The following RHPN2 variants were observed in gnomAD, a reference collection of about 807,000 sequenced individuals.
The protein encoded by RHPN2 is rhophilin Rho GTPase binding protein 2.
In RHPN2, 40 loss-of-function variants were observed where a neutral mutation model predicts 79.0. That is an observed-to-expected ratio of 0.51 (90% CI 0.39 to 0.66). RHPN2 has a LOEUF of 0.66. Ranked by LOEUF, RHPN2 falls within the 30% of genes least tolerant of loss-of-function variation. The pLI is 0.00. For missense variants in RHPN2, 686 were observed against 883.5 expected (o/e 0.78, Z 2.83); for synonymous variants, 285 against 363.5 (o/e 0.78, Z 2.46).
At chr19:33,036,690 C>G (rs10424333) in intron 2 of RHPN2, among the ~76,000 whole-genome samples, 22,595 of 152,182 alleles carry the variant, frequency 0.15, 1,951 homozygotes, top group South Asian at 0.33. Context: ...CGGGCTAGCG[C>G]GAGTTCCAGG....
chr19:33,029,545 A>G (rs1317759503), intron 2 of RHPN2, among the ~76,000 whole-genome samples: 3 of 150,718 alleles, frequency 2.0e-5, no homozygotes, highest in Non-Finnish European at 4.4e-5. Context: ...AAAAAAAAAA[A>G]GAAGAAGAGT....
At chr19:33,007,161 G>A (rs1185611897) in intron 7 of RHPN2, among the ~76,000 whole-genome samples, 6 of 152,334 alleles carry the variant, frequency 3.9e-5, no homozygotes, top group Admixed American at 3.9e-4. Flanking sequence ...CCCACCTCAT[G>A]CTGGAGAAGT....
intron 7 of RHPN2, among the ~76,000 whole-genome samples, chr19:33,006,215 G>A (rs1003874348): frequency 6.6e-6 from 1 of 152,042 alleles, no homozygotes; most frequent in Non-Finnish European, 1.5e-5. Context: ...ATTCTTTTTA[G>A]GGATGGAGTC....
Position 33,049,018 on chromosome 19 carries a change from C to T in RHPN2, c.70-4654G>A, listed in dbSNP as rs540663494. On this transcript the variant is annotated intron_variant, in intron 1 of 14. Transcript: ENST00000254260. ...AACTTCTGCTGGCCTGGAATCAGTACGCCCTAACCAGCCCATAGATATGTG... is the reference window on the plus strand; with the variant it reads ...AACTTCTGCTGGCCTGGAATCAGTATGCCCTAACCAGCCCATAGATATGTG... Among the ~76,000 whole-genome samples, 13 of 152,124 alleles carry T rather than the reference C, an allele frequency of 8.5e-5. No homozygotes were observed. In the South Asian group the frequency reaches 1.7e-3, roughly 19 times the overall value.
rs556692504 is a variant in RHPN2 at position 32,980,434 on chromosome 19, C to G, written c.1801-178G>C. 1.1e-4 allele frequency among the ~76,000 whole-genome samples: 16 copies of G among 152,024 alleles called. No individual in the cohort carries two copies. In the South Asian group the frequency reaches 2.9e-3, roughly 28 times the overall value. On this transcript the variant is annotated intron_variant, in intron 14 of 14. Coordinates refer to ENST00000254260, the MANE Select transcript of RHPN2 (RefSeq NM_033103.5). ...ACCAGCCTGGCCAACATGGTGAAAC[C>G]CCATCTCTACTAAAATACAAAAATT... is the stretch of plus-strand genomic sequence containing the variant.
chr19:32,985,333 A>G (rs567711355), intron 14 of RHPN2, among the ~76,000 whole-genome samples: 1 of 152,220 alleles, frequency 6.6e-6, no homozygotes, highest in African/African-American at 2.4e-5. Context: ...AAAACAAAAA[A>G]CAACAACAAA....
At chr19:33,043,971 C>T (rs1191148361) in intron 2 of RHPN2, among the ~76,000 whole-genome samples, 3 of 152,088 alleles carry the variant, frequency 2.0e-5, no homozygotes, top group African/African-American at 2.4e-5. Flanking sequence ...AAACAAACCT[C>T]GAGACAAAAA....
chr19:33,011,139 G>C (rs912091818), intron 6 of RHPN2, among the ~76,000 whole-genome samples: 2 of 152,104 alleles, frequency 1.3e-5, no homozygotes, highest in Non-Finnish European at 2.9e-5. Context: ...TGAGTGAGTA[G>C]CTCATGCCTA....
At chr19:33,039,525 C>T (rs1307593750) in intron 2 of RHPN2, among the ~76,000 whole-genome samples, 2 of 152,000 alleles carry the variant, frequency 1.3e-5, no homozygotes, top group Non-Finnish European at 2.9e-5. Context: ...CCCTCTGAAA[C>T]GAGTCCCCAA....
intron 2 of RHPN2, among the ~76,000 whole-genome samples, chr19:33,041,339 G>A (rs78114149): frequency 0.019 from 2,821 of 152,282 alleles, 74 homozygotes; most frequent in African/African-American, 0.065. Flanking sequence ...GTAATGGGTC[G>A]CCCAGGGACA....
chr19:33,030,863 G>C (rs1972005277), intron 2 of RHPN2, among the ~76,000 whole-genome samples: 1 of 152,248 alleles, frequency 6.6e-6, no homozygotes, highest in East Asian at 1.9e-4. Context: ...ACAGAGTAGG[G>C]GCTCGGTCCC....
At position 33,012,230 on chromosome 19, in the gene RHPN2, CAG is replaced by C. The variant is rs765360844; in HGVS notation, c.468+415_468+416del. Reference sequence around the variant, plus strand: ...CTTGTTTTTGTATTTTTAGTAGAAACAGGGTTTTGCCATGTTGGCCAGTCTGG... The same window carrying C: ...CTTGTTTTTGTATTTTTAGTAGAAACGGTTTTGCCATGTTGGCCAGTCTGG... On this transcript the variant is annotated intron_variant, in intron 5 of 14. Coordinates refer to ENST00000254260, the MANE Select transcript of RHPN2 (RefSeq NM_033103.5). 9.9e-5 allele frequency among the ~76,000 whole-genome samples: 15 copies of C among 152,142 alleles called. No homozygotes were observed. In the East Asian group the frequency reaches 2.9e-3, roughly 29 times the overall value.
intron 2 of RHPN2, among the ~76,000 whole-genome samples, chr19:33,027,873 G>T (rs142929834): frequency 2.3e-4 from 35 of 152,200 alleles, no homozygotes; most frequent in African/African-American, 7.9e-4. Context: ...TCTGATAAAA[G>T]ACACCTACAA....
rs959998208 is a variant in RHPN2, at chr19:32,990,599, C to T, written c.1715G>A (p.Ser572Asn). ...QLVDCKWLTLSEVMKLLKSFG... is the reference protein window; with the variant it reads ...QLVDCKWLTLNEVMKLLKSFG... ...GCTCTTCAGCAGCTTCATAACCTCACTCAGCGTCAGCCACTTACAATCCAC... is the reference window on the plus strand; with the variant it reads ...GCTCTTCAGCAGCTTCATAACCTCATTCAGCGTCAGCCACTTACAATCCAC... Residue 572 changes from serine (S) to asparagine (N), a missense_variant, in exon 14 of 15, where the codon AGT becomes AAT. By Grantham distance (46) the Ser-to-Asn change is conservative (BLOSUM62 1). Coordinates refer to ENST00000254260, the MANE Select transcript of RHPN2 (RefSeq NM_033103.5). 5 of 1,613,824 alleles carry T rather than the reference C, an allele frequency of 3.1e-6. No individual in the cohort carries two copies. In the African/African-American group the frequency reaches 6.7e-5, roughly 22 times the overall value.
At position 33,040,262 on chromosome 19, in the gene RHPN2, A is replaced by G. The variant is rs1399188723; in HGVS notation, c.185+3987T>C. Among the ~76,000 whole-genome samples, 152 of 106,216 alleles carry G rather than the reference A, an allele frequency of 1.4e-3. 1 individual carries two copies. The highest frequency in any genetic ancestry group is 5.4e-3 in the African/African-American group (141 of 26,212). 69.7% of individuals were successfully genotyped at this position (106,216 alleles called of 152,430 possible). A position where few individuals can be genotyped will look rare whatever the true frequency, so the allele number is the denominator to read the frequency against. ...TTTTTTTTTTTTTTTTTTGAGACGG[A>G]GTCTTGCTCTGTGGCCCTGGCTGGA... On this transcript the variant is annotated intron_variant, in intron 2 of 14. Coordinates refer to ENST00000254260, the MANE Select transcript of RHPN2 (RefSeq NM_033103.5).
intron 4 of RHPN2, among the ~76,000 whole-genome samples, chr19:33,021,134 C>T (rs1213875369): frequency 6.6e-6 from 1 of 152,136 alleles, no homozygotes. Flanking sequence ...TTTGACTTGG[C>T]CTCTTGGGAA....
At chr19:33,061,484 T>A (rs549648215) in intron 1 of RHPN2, among the ~76,000 whole-genome samples, 1 of 151,764 alleles carries the variant, frequency 6.6e-6, no homozygotes, top group South Asian at 2.1e-4. Flanking sequence ...GGATTTTTTT[T>A]TTTTTTTGGG....
chr19:33,052,368 G>T (rs1210239580), intron 1 of RHPN2, among the ~76,000 whole-genome samples: 1 of 152,198 alleles, frequency 6.6e-6, no homozygotes, highest in Non-Finnish European at 1.5e-5. Flanking sequence ...GGGATCTAAA[G>T]GTTCAGGCGT....
chr19:32,989,708 G>A (rs139998374), intron 14 of RHPN2, among the ~76,000 whole-genome samples: 1 of 152,188 alleles, frequency 6.6e-6, no homozygotes, highest in Admixed American at 6.5e-5. Context: ...AGTGGCTCAC[G>A]CCTGTAATCC....
Sources: gnomAD v4.1 joint callset for allele counts (sites outside exome capture counted in the v4.1 genomes callset) on GRCh38, gnomAD v4.1.1 for gene constraint, MANE v1.5 for transcripts, NCBI Gene and HGNC (gene_info 2026-07-23, HGNC 2026-07-21) for gene names.